AMY1B: variants seen among roughly 807,000 people sequenced by gnomAD.
The protein encoded by AMY1B is amylase alpha 1B, also known as alpha-amylase 1B.
AMY1B carries 1 observed loss-of-function variant against 5.5 expected under a neutral mutation model. The observed-to-expected ratio is 0.18, with a 90% CI of 0.06 to 0.86. The LOEUF (loss-of-function observed/expected upper bound fraction) is 0.86, where lower values mean the gene tolerates loss of function less well. AMY1B is among the 40% of genes least tolerant of loss of function. The pLI is 0.69. For synonymous variants in AMY1B, 1 was observed against 13.2 expected, an observed-to-expected ratio of 0.08 and a Z score of 2.01; for missense variants, 1 against 43.7, an observed-to-expected ratio of 0.02 and a Z score of 2.76.
rs754783671 is a variant in AMY1B at position 103,691,622 on chromosome 1, AC to A, written c.879-13del. The A allele has an allele frequency of 4.9e-6, 2 of 411,342 alleles. No individual in the cohort carries two copies. Among genetic ancestry groups the A allele is most frequent in the Admixed American group, 8.6e-5 (2 of 23,138 alleles). 25.5% of individuals were successfully genotyped at this position (411,342 alleles called of 1,614,324 possible). ...CTTCTCCCCAGTTCCTATTTTTGAA[AC>A]ATAAGATATACGTTGATGTATCATT... On this transcript the variant is annotated splice_polypyrimidine_tract_variant and intron_variant, in intron 6 of 10. Transcript: ENST00000330330.
At chr1:103,691,795 TAC>T (rs1323603428) in intron 6 of AMY1B, among the ~76,000 whole-genome samples, 185 bp from the exon 7 acceptor site, 1 of 6,328 alleles carries the variant, frequency 1.6e-4, no homozygotes, top group East Asian at 1.5e-3. Context: ...CACATATATA[TAC>T]ACACACACCT....
chr1:103,691,759 TACAC>T (rs1201653534), intron 6 of AMY1B, 149 bp from the exon 7 acceptor site: 4 of 143,954 alleles, frequency 2.8e-5, no homozygotes, highest in Admixed American at 1.1e-4. Context: ...TATATATATA[TACAC>T]ACACACACAC....
At position 103,691,167 on chromosome 1, in the gene AMY1B, G is replaced by A; in HGVS notation, c.1101+127C>T. On this transcript the variant is annotated intron_variant, in intron 8 of 10. Transcript: ENST00000330330. ...ACCTGCATTACTAAATCACAACCCT[G>A]TATCAGGTTTACAATAATTAAATAT... is the stretch of plus-strand genomic sequence containing the variant. 2.5e-5 allele frequency: 5 copies of A among 199,100 alleles called. No individual in the cohort carries two copies. The South Asian group carries it at 3.1e-4, about 12-fold the overall frequency. 12.3% of individuals were successfully genotyped at this position (199,100 alleles called of 1,614,324 possible).
At chr1:103,691,759 TACACAC>T in intron 6 of AMY1B, 149 bp from the exon 7 acceptor site, 1 of 143,966 alleles carries the variant, frequency 6.9e-6, no homozygotes, top group Non-Finnish European at 1.3e-5. Context: ...TATATATATA[TACACAC>T]ACACACACAA....
Position 103,691,689 on chromosome 1 carries a change from T to TAA in AMY1B, c.879-80_879-79insTT, listed in dbSNP as rs1356989247. 231 of 239,496 alleles carry TAA rather than the reference T, an allele frequency of 9.6e-4. 2 individuals carry two copies. Among genetic ancestry groups the TAA allele is most frequent in the Non-Finnish European group, 1.5e-3 (200 of 137,380 alleles). 14.8% of individuals were successfully genotyped at this position (239,496 alleles called of 1,614,324 possible). Reference sequence around the variant, plus strand: ...AGTAACTCTACTGTGCATCTCTTTCTGTAAGGCATGGCATCTGAAGATTAA... The same window carrying TAA: ...AGTAACTCTACTGTGCATCTCTTTCTAAGTAAGGCATGGCATCTGAAGATTAA... On this transcript the variant is annotated intron_variant, in intron 6 of 10. Transcript: ENST00000330330.
At chr1:103,690,888 CATTT>C (rs1190630686) in intron 8 of AMY1B, among the ~76,000 whole-genome samples, 4 of 44,200 alleles carry the variant, frequency 9.0e-5, no homozygotes, top group African/African-American at 3.1e-4. Context: ...ATTTAAAAGA[CATTT>C]ATATTGTTCT....
intron 6 of AMY1B, among the ~76,000 whole-genome samples, 185 bp from the exon 7 acceptor site, chr1:103,691,795 T>TAC (rs1323603428): frequency 1.6e-4 from 1 of 6,328 alleles, no homozygotes; most frequent in Non-Finnish European, 3.5e-4. Flanking sequence ...CACATATATA[T>TAC]ACACACACAC....
At chr1:103,691,757 TATACAC>T in intron 6 of AMY1B, 147 bp from the exon 7 acceptor site, 2 of 158,118 alleles carry the variant, frequency 1.3e-5, no homozygotes, top group Non-Finnish European at 1.2e-5. Context: ...GATATATATA[TATACAC>T]ACACACACAC....
At chr1:103,691,727 ATTAG>A in intron 6 of AMY1B, 117 bp from the exon 7 acceptor site, 1 of 183,772 alleles carries the variant, frequency 5.4e-6, no homozygotes, top group Non-Finnish European at 9.9e-6. Context: ...TCTTTCTCTA[ATTAG>A]ATGGTTACTC....
intron 8 of AMY1B, among the ~76,000 whole-genome samples, chr1:103,691,058 G>A (rs1402557118): frequency 5.9e-3 from 90 of 15,150 alleles, no homozygotes; most frequent in East Asian, 0.045. Context: ...TTTTCCCTGC[G>A]GGCTAGGGGG....
chr1:103,691,167 G>T, intron 8 of AMY1B, 127 bp downstream of exon 8: 1 of 199,100 alleles, frequency 5.0e-6, no homozygotes, highest in Non-Finnish European at 9.1e-6. Context: ...TCACAACCCT[G>T]TATCAGGTTT....
chr1:103,691,747 GATAT>G, intron 6 of AMY1B, 137 bp from the exon 7 acceptor site: 1 of 159,216 alleles, frequency 6.3e-6, no homozygotes, highest in Non-Finnish European at 1.1e-5. Context: ...TACTCTGTAA[GATAT>G]ATATATATAC....
chr1:103,691,757 TATAC>T, intron 6 of AMY1B, 147 bp from the exon 7 acceptor site: 5 of 158,056 alleles, frequency 3.2e-5, no homozygotes, highest in South Asian at 5.0e-5. Context: ...GATATATATA[TATAC>T]ACACACACAC....
chr1:103,691,621 AACATAAGATAT>A lies in AMY1B; in HGVS notation c.879-22_879-12del. The A allele has an allele frequency of 2.4e-6, 1 of 411,184 alleles. No individual in the cohort carries two copies. Among genetic ancestry groups the A allele is most frequent in the Non-Finnish European group, 3.7e-6 (1 of 272,280 alleles). 25.5% of individuals were successfully genotyped at this position (411,184 alleles called of 1,614,324 possible). On this transcript the variant is annotated splice_polypyrimidine_tract_variant and intron_variant, in intron 6 of 10. Transcript: ENST00000330330. ...CCTTCTCCCCAGTTCCTATTTTTGA[AACATAAGATAT>A]ACGTTGATGTATCATTTCACAATAG...
At chr1:103,691,759 T>TAC (rs1201653534) in intron 6 of AMY1B, 149 bp from the exon 7 acceptor site, 47 of 143,926 alleles carry the variant, frequency 3.3e-4, no homozygotes, top group Admixed American at 6.5e-4. Context: ...TATATATATA[T>TAC]ACACACACAC....
rs1201653534 is a variant in AMY1B, at chr1:103,691,759, TAC to T, written c.879-151_879-150del. The T allele has an allele frequency of 5.9e-3, 826 of 140,754 alleles. 1 individual carries two copies. The highest frequency in any genetic ancestry group is 7.5e-3 in the Middle Eastern group (3 of 398). The allele number at this position is 140,754 out of a possible 1,614,324, so 8.7% of individuals were successfully genotyped here. ...GGTTACTCTGTAAGATATATATATA[TAC>T]ACACACACACACAAACACACACTCA... is the stretch of plus-strand genomic sequence containing the variant. On this transcript the variant is annotated intron_variant, in intron 6 of 10. Coordinates refer to ENST00000330330, the MANE Select transcript of AMY1B (RefSeq NM_001008218.2).
chr1:103,691,747 G>GAT (rs766442615), intron 6 of AMY1B, 137 bp from the exon 7 acceptor site: 2,090 of 158,430 alleles, frequency 0.013, 15 homozygotes, highest in Non-Finnish European at 0.017. Flanking sequence ...TACTCTGTAA[G>GAT]ATATATATAT....
At position 103,691,487 on chromosome 1, in the gene AMY1B, C is replaced by A. The variant is rs201703350; in HGVS notation, c.1001+1G>T. The A allele has an allele frequency of 2.2e-5, 19 of 856,910 alleles. 1 individual carries two copies. The highest frequency in any genetic ancestry group is 1.1e-4 in the Admixed American group (4 of 35,794). 53.1% of individuals were successfully genotyped at this position (856,910 alleles called of 1,614,324 possible). A position where few individuals can be genotyped will look rare whatever the true frequency, so the allele number is the denominator to read the frequency against. On this transcript the variant is annotated splice_donor_variant, in intron 7 of 10. Coordinates refer to ENST00000330330, the MANE Select transcript of AMY1B (RefSeq NM_001008218.2). LOFTEE classifies it high-confidence loss of function. Reference sequence around the variant, plus strand: ...AAAAAATAGAGAACTTGGTTTTCTACCTAGCATCCCAGAAGGTAAGTATAG... The same window carrying A: ...AAAAAATAGAGAACTTGGTTTTCTAACTAGCATCCCAGAAGGTAAGTATAG...
intron 6 of AMY1B, 30 bp from the exon 7 acceptor site, chr1:103,691,640 T>TG: frequency 2.8e-6 from 1 of 356,820 alleles, no homozygotes; most frequent in Admixed American, 4.6e-5. Context: ...TATACGTTGA[T>TG]GTATCATTTC....
Sources: gnomAD v4.1 joint callset for allele counts (sites outside exome capture counted in the v4.1 genomes callset) on GRCh38, gnomAD v4.1.1 for gene constraint, MANE v1.5 for transcripts, NCBI Gene and HGNC (gene_info 2026-07-23, HGNC 2026-07-21) for gene names.